The following ENTREP2 variants were observed in gnomAD, a reference collection of about 807,000 sequenced individuals.
The protein encoded by ENTREP2 is endosomal transmembrane epsin interactor 2, also known as protein ENTREP2.
chr15:29,221,661 C>T, the ENTREP2 span, among the ~76,000 whole-genome samples: 1 of 151,218 alleles, frequency 6.6e-6, no homozygotes, highest in South Asian at 2.1e-4. Flanking sequence ...CCTTCTGAGG[C>T]TCTTCTGTTA....
chr15:29,584,867 A>G, the ENTREP2 span, among the ~76,000 whole-genome samples: 1 of 152,218 alleles, frequency 6.6e-6, no homozygotes, highest in African/African-American at 2.4e-5. Context: ...TAATTTACTT[A>G]ATCATGGAAA....
chr15:29,269,134 T>C, the ENTREP2 span: 504 of 1,614,194 alleles, frequency 3.1e-4, 2 homozygotes, highest in African/African-American at 6.1e-3. Flanking sequence ...CTTGATGGTG[T>C]TGCCCTTCAT....
the ENTREP2 span, among the ~76,000 whole-genome samples, chr15:29,201,434 G>C: frequency 6.6e-6 from 1 of 152,176 alleles, no homozygotes; most frequent in Non-Finnish European, 1.5e-5. Context: ...TTTTCAAGTT[G>C]AGGACGTTCT....
the ENTREP2 span, among the ~76,000 whole-genome samples, chr15:29,444,151 AGACAGAAAGAAAGAC>A: frequency 9.6e-6 from 1 of 103,936 alleles, no homozygotes; most frequent in African/African-American, 3.8e-5. Flanking sequence ...AAAGAAAGAC[AGACAGAAAGAAAGAC>A]AGACAAAGAA....
At chr15:29,410,681 G>C in the ENTREP2 span, among the ~76,000 whole-genome samples, 1 of 152,204 alleles carries the variant, frequency 6.6e-6, no homozygotes, top group African/African-American at 2.4e-5. Flanking sequence ...TCCAGGCTAA[G>C]AACATTCACG....
the ENTREP2 span, among the ~76,000 whole-genome samples, chr15:29,221,867 T>A: frequency 6.6e-6 from 1 of 152,044 alleles, no homozygotes; most frequent in Admixed American, 6.5e-5. Context: ...CAGCAGTGCT[T>A]GGAATAACAA....
chr15:29,305,505 G>T, the ENTREP2 span, among the ~76,000 whole-genome samples: 1 of 152,212 alleles, frequency 6.6e-6, no homozygotes, highest in South Asian at 2.1e-4. Flanking sequence ...TGGAGGTGAT[G>T]AGAAGTGGCT....
At chr15:29,647,290 G>A in the ENTREP2 span, among the ~76,000 whole-genome samples, 1 of 152,172 alleles carries the variant, frequency 6.6e-6, no homozygotes, top group African/African-American at 2.4e-5. Flanking sequence ...TCCTCTGAAA[G>A]CAGAAGTTAT....
the ENTREP2 span, among the ~76,000 whole-genome samples, chr15:29,383,824 C>A: frequency 0.016 from 2,363 of 152,286 alleles, 68 homozygotes; most frequent in African/African-American, 0.055. Flanking sequence ...CACACCAGGG[C>A]TCTGCTCCCA....
the ENTREP2 span, among the ~76,000 whole-genome samples, chr15:29,411,658 T>C: frequency 9.6e-4 from 147 of 152,388 alleles, no homozygotes; most frequent in Non-Finnish European, 1.7e-3. Flanking sequence ...ATAAAAAGAA[T>C]GTTTAAATGT....
At chr15:29,174,406 C>T in the ENTREP2 span, among the ~76,000 whole-genome samples, 11 of 152,048 alleles carry the variant, frequency 7.2e-5, no homozygotes, top group Middle Eastern at 3.2e-3. Context: ...ACTAGAAACA[C>T]GGCCAGGCAC....
At chr15:29,624,600 C>G in the ENTREP2 span, among the ~76,000 whole-genome samples, 9 of 152,142 alleles carry the variant, frequency 5.9e-5, no homozygotes, top group African/African-American at 2.2e-4. Flanking sequence ...TGAGCTCTAA[C>G]TACAGAATTT....
the ENTREP2 span, among the ~76,000 whole-genome samples, chr15:29,604,793 A>T: frequency 6.6e-6 from 1 of 152,208 alleles, no homozygotes; most frequent in East Asian, 1.9e-4. Context: ...CTGATTAGGA[A>T]GGAGAACTGA....
At chr15:29,289,567 A>C in the ENTREP2 span, among the ~76,000 whole-genome samples, 13 of 152,050 alleles carry the variant, frequency 8.5e-5, no homozygotes, top group Non-Finnish European at 4.4e-5. Context: ...GATATGAGGC[A>C]CGGTGTGGTG....
the ENTREP2 span, among the ~76,000 whole-genome samples, chr15:29,222,669 G>T: frequency 6.6e-6 from 1 of 152,102 alleles, no homozygotes; most frequent in South Asian, 2.1e-4. Context: ...TGTGAGAAGT[G>T]CAGAATGAGA....
chr15:29,427,429 A>G, the ENTREP2 span, among the ~76,000 whole-genome samples: 1 of 152,192 alleles, frequency 6.6e-6, no homozygotes, highest in Non-Finnish European at 1.5e-5. Flanking sequence ...TTAAAACAAT[A>G]CAAAATTATC....
At chr15:29,193,338 GAAC>G in the ENTREP2 span, among the ~76,000 whole-genome samples, 1 of 152,160 alleles carries the variant, frequency 6.6e-6, no homozygotes, top group African/African-American at 2.4e-5. Context: ...GACCTGGATA[GAAC>G]AAAAAGGCAG....
the ENTREP2 span, among the ~76,000 whole-genome samples, chr15:29,131,542 G>C: frequency 6.2e-5 from 8 of 129,762 alleles, no homozygotes; most frequent in Admixed American, 2.5e-4. Context: ...GCTCCAGGCT[G>C]TCCTGCCATG....
chr15:29,561,581 G>C, the ENTREP2 span, among the ~76,000 whole-genome samples: 106 of 152,098 alleles, frequency 7.0e-4, no homozygotes, highest in Non-Finnish European at 1.3e-3. Context: ...CCAGCTACTC[G>C]GGAGGCTGAG....
Sources: gnomAD v4.1 joint callset for allele counts (sites outside exome capture counted in the v4.1 genomes callset) on GRCh38, gnomAD v4.1.1 for gene constraint, MANE v1.5 for transcripts, NCBI Gene and HGNC (gene_info 2026-07-23, HGNC 2026-07-21) for gene names.